CNTN4: variants seen among roughly 807,000 people sequenced by gnomAD.
CNTN4 encodes contactin 4.
CNTN4 carries 77 observed loss-of-function variants against 122.5 expected under a neutral mutation model. That is an observed-to-expected ratio of 0.63 (90% CI 0.52 to 0.76). The LOEUF is 0.76. Among genes scored for constraint, CNTN4 ranks in the 30% least tolerant of loss-of-function variants. The pLI is 0.00. For synonymous variants in CNTN4, 512 were observed against 447.0 expected, an observed-to-expected ratio of 1.15 and a Z score of -1.83; for missense variants, 1,256 against 1,259.1, an observed-to-expected ratio of 1.00 and a Z score of 0.04.
At chr3:2,278,574 A>G (rs913086775) in intron 2 of CNTN4, among the ~76,000 whole-genome samples, 5 of 152,230 alleles carry the variant, frequency 3.3e-5, no homozygotes, top group African/African-American at 1.2e-4. Flanking sequence ...AGAAGTATAC[A>G]GTATGCACAA....
chr3:2,821,419 C>G (rs768925144), intron 7 of CNTN4, among the ~76,000 whole-genome samples: 2 of 152,196 alleles, frequency 1.3e-5, no homozygotes, highest in African/African-American at 4.8e-5. Context: ...TGGGAAGAAG[C>G]AAAGACAAAA....
intron 3 of CNTN4, among the ~76,000 whole-genome samples, chr3:2,554,298 G>T (rs13077971): frequency 0.081 from 12,302 of 152,032 alleles, 593 homozygotes; most frequent in Middle Eastern, 0.12. Context: ...AGTTTTAACT[G>T]GCTAGTTTTA....
intron 3 of CNTN4, among the ~76,000 whole-genome samples, chr3:2,414,444 G>A (rs530305850): frequency 9.1e-4 from 139 of 152,250 alleles, no homozygotes; most frequent in African/African-American, 3.3e-3. Context: ...AATGGCATAT[G>A]TATGCATTAA....
chr3:2,721,381 C>T (rs978098362), intron 4 of CNTN4, among the ~76,000 whole-genome samples: 2 of 152,170 alleles, frequency 1.3e-5, no homozygotes, highest in African/African-American at 4.8e-5. Context: ...TGGGGCCTCA[C>T]TGTATTTGTC....
At chr3:2,337,640 G>A (rs534575430) in intron 2 of CNTN4, among the ~76,000 whole-genome samples, 19 of 152,020 alleles carry the variant, frequency 1.2e-4, no homozygotes, top group African/African-American at 3.6e-4. Flanking sequence ...AATTTATCCC[G>A]GAGCTTATGT....
At chr3:3,037,503 C>A in intron 18 of CNTN4, 175 bp downstream of exon 18, 3 of 832,242 alleles carry the variant, frequency 3.6e-6, no homozygotes, top group South Asian at 1.4e-5. Context: ...GAACACGCAA[C>A]GGGTTTCAAT....
chr3:2,649,302 G>GGACA (rs1417658781), intron 4 of CNTN4, among the ~76,000 whole-genome samples: 1 of 152,182 alleles, frequency 6.6e-6, no homozygotes, highest in Non-Finnish European at 1.5e-5. Context: ...TAAGTAGAGA[G>GGACA]GACAAGTCAA....
In CNTN4 at chr3:2,848,273, A is replaced by G. The variant is rs550712954; in HGVS notation, c.455-18479A>G. Among the ~76,000 whole-genome samples, 21 of 152,300 alleles carry G rather than the reference A, an allele frequency of 1.4e-4. No homozygotes were observed. In the East Asian group the frequency reaches 2.7e-3, roughly 20 times the overall value. On this transcript the variant is annotated intron_variant, in intron 7 of 24. Transcript: ENST00000418658. Reference sequence around the variant, plus strand: ...ATAAAATGTTAGCATAGGCTTTTAAATCATGTGTTTTTCACTTACAGTGAG... The same window carrying G: ...ATAAAATGTTAGCATAGGCTTTTAAGTCATGTGTTTTTCACTTACAGTGAG...
intron 2 of CNTN4, among the ~76,000 whole-genome samples, chr3:2,333,659 T>C (rs866950174): frequency 6.6e-6 from 1 of 152,318 alleles, no homozygotes. Context: ...CGTTGTGAAA[T>C]GATAAAAGAA....
chr3:2,159,039 G>A (rs927489674), intron 2 of CNTN4, among the ~76,000 whole-genome samples: 2 of 152,004 alleles, frequency 1.3e-5, no homozygotes, highest in African/African-American at 4.8e-5. Context: ...CCGAGAGGCA[G>A]CGAGTGGGAG....
intron 3 of CNTN4, among the ~76,000 whole-genome samples, chr3:2,444,932 A>G (rs1318109137): frequency 1.3e-5 from 2 of 151,978 alleles, no homozygotes; most frequent in South Asian, 2.1e-4. Context: ...TATTATCACT[A>G]GATAATTAGA....
At chr3:2,934,706 G>A (rs1460996972) in intron 13 of CNTN4, among the ~76,000 whole-genome samples, 1 of 152,240 alleles carries the variant, frequency 6.6e-6, no homozygotes, top group Non-Finnish European at 1.5e-5. Context: ...ATAAAGCTCT[G>A]TTATTAGGAA....
Position 2,120,395 on chromosome 3 carries a change from ATATATATATAT to A in CNTN4, c.-145+19758_-145+19768del, listed in dbSNP as rs1222189599. On this transcript the variant is annotated intron_variant, in intron 2 of 24. Coordinates refer to ENST00000418658, the MANE Select transcript of CNTN4 (RefSeq NM_175607.3). ...TATAAATATATATATATATATATAT[ATATATATATAT>A]TTTTTTTTTTTTTTTTATGCAGAGT... Among the ~76,000 whole-genome samples, 70 of 30,644 alleles carry A rather than the reference ATATATATATAT, an allele frequency of 2.3e-3. 1 individual carries two copies. The highest frequency in any genetic ancestry group is 0.012 in the Admixed American group (22 of 1,768). The allele number at this position is 30,644 out of a possible 152,430, so 20.1% of individuals were successfully genotyped here.
At chr3:2,175,654 A>G (rs2036717971) in intron 2 of CNTN4, among the ~76,000 whole-genome samples, 1 of 152,124 alleles carries the variant, frequency 6.6e-6, no homozygotes, top group South Asian at 2.1e-4. Flanking sequence ...CAGATGACTT[A>G]ATCTCTCTAA....
intron 6 of CNTN4, among the ~76,000 whole-genome samples, chr3:2,798,766 C>A (rs1042590329): frequency 9.9e-5 from 15 of 152,276 alleles, no homozygotes; most frequent in African/African-American, 3.6e-4. Flanking sequence ...CCACCTCAAC[C>A]TCACAAACTG....
chr3:2,376,576 C>T (rs1283712812), intron 3 of CNTN4, among the ~76,000 whole-genome samples: 1 of 151,616 alleles, frequency 6.6e-6, no homozygotes, highest in Non-Finnish European at 1.5e-5. Context: ...GCACAGTCCA[C>T]AGTTGCAGTT....
At chr3:2,636,057 A>G (rs746518412) in intron 4 of CNTN4, among the ~76,000 whole-genome samples, 22 of 152,170 alleles carry the variant, frequency 1.4e-4, no homozygotes, top group Admixed American at 9.2e-4. Flanking sequence ...AGACAGATGA[A>G]TTTGAGACTG....
At chr3:2,284,976 G>A (rs1207994061) in intron 2 of CNTN4, among the ~76,000 whole-genome samples, 2 of 151,734 alleles carry the variant, frequency 1.3e-5, no homozygotes, top group Non-Finnish European at 1.5e-5. Flanking sequence ...TAATAGGATA[G>A]TTTTTATTCT....
intron 13 of CNTN4, among the ~76,000 whole-genome samples, chr3:2,966,523 T>G (rs1028489394): frequency 1.3e-5 from 2 of 152,034 alleles, no homozygotes; most frequent in African/African-American, 4.8e-5. Flanking sequence ...GATACGAAAA[T>G]GTAGTTAGAC....
Sources: gnomAD v4.1 joint callset for allele counts (sites outside exome capture counted in the v4.1 genomes callset) on GRCh38, gnomAD v4.1.1 for gene constraint, MANE v1.5 for transcripts, NCBI Gene and HGNC (gene_info 2026-07-23, HGNC 2026-07-21) for gene names.